The following SP140L variants were observed in gnomAD, a reference collection of about 807,000 sequenced individuals.
SP140L encodes nuclear body protein SP140-like protein.
SP140L carries 64 observed loss-of-function variants against 84.3 expected under a neutral mutation model. That is an observed-to-expected ratio of 0.76 (90% confidence interval 0.62 to 0.94). The LOEUF (loss-of-function observed/expected upper bound fraction) is 0.94. SP140L is among the 40% of genes least tolerant of loss of function. The pLI, the probability that SP140L is intolerant of heterozygous loss-of-function variation, is 0.00. For synonymous variants in SP140L, 242 were observed against 236.9 expected (o/e 1.02, Z -0.20); for missense variants, 628 against 692.5 (o/e 0.91, Z 1.05).
intron 14 of SP140L, among the ~76,000 whole-genome samples, chr2:230,399,120 C>CA (rs1341111518): frequency 6.6e-6 from 1 of 152,326 alleles, no homozygotes; most frequent in East Asian, 1.9e-4. Context: ...AGGGCTCTGT[C>CA]ACAGACCGGT....
At chr2:230,361,244 A>C (rs2060707824) in intron 4 of SP140L, among the ~76,000 whole-genome samples, 2 of 152,090 alleles carry the variant, frequency 1.3e-5, no homozygotes, top group Non-Finnish European at 1.5e-5. Context: ...GAGCCACTGC[A>C]CCTGGCCAGT....
At position 230,358,103 on chromosome 2, in the gene SP140L, A is replaced by C. The variant is rs1008314540; in HGVS notation, c.270+136A>C. ...GATGGTCCTACTTCCAGCTGAGGAA[A>C]TGGTGTTCCATGGCACCCTCTGGAG... On this transcript the variant is annotated intron_variant, in intron 3 of 18. Coordinates refer to ENST00000415673, the MANE Select transcript of SP140L (RefSeq NM_138402.6). 6.2e-6 allele frequency: 6 copies of C among 967,514 alleles called. No homozygotes were observed. In the African/African-American group the frequency reaches 6.5e-5, roughly 11 times the overall value. 59.9% of individuals were successfully genotyped at this position (967,514 alleles called of 1,614,324 possible).
intron 10 of SP140L, 75 bp from the exon 11 acceptor site, chr2:230,389,844 A>G: frequency 3.6e-6 from 5 of 1,389,668 alleles, no homozygotes; most frequent in Non-Finnish European, 5.1e-6. Context: ...TTGTGCCTTT[A>G]TAGGATTTAC....
intron 2 of SP140L, 34 bp from the exon 3 acceptor site, chr2:230,357,771 A>T: frequency 6.3e-7 from 1 of 1,584,868 alleles, no homozygotes; most frequent in African/African-American, 1.4e-5. Context: ...CAGAATCTTG[A>T]TGACCATTTT....
chr2:230,383,529 C>T lies in SP140L; in HGVS notation c.657C>T (p.Gly219=). The T allele has an allele frequency of 3.7e-6, 6 of 1,605,842 alleles. No homozygotes were observed. Among genetic ancestry groups the T allele is most frequent in the Non-Finnish European group, 5.1e-6 (6 of 1,176,086 alleles). Reference sequence around the variant, plus strand: ...TTGAAGGAAAAAAGAAGGGGCATGGCTGGAGCAGAATGGGAACGAGAACGC... The same window carrying T: ...TTGAAGGAAAAAAGAAGGGGCATGGTTGGAGCAGAATGGGAACGAGAACGC... ...KRKRRKKKGH[G]WSRMGTRTQK... Residue 219 remains glycine (G), a synonymous_variant, in exon 8 of 19, where the codon GGC becomes GGT. Coordinates refer to ENST00000415673, the MANE Select transcript of SP140L (RefSeq NM_138402.6).
chr2:230,396,839 C>A lies in SP140L; in HGVS notation c.1197+41C>A, dbSNP rs774816466. The A allele has an allele frequency of 3.1e-6, 5 of 1,608,300 alleles. 1 individual carries two copies. In the South Asian group the frequency reaches 4.4e-5, roughly 14 times the overall value. ...GAACTACAACCCCCAGAATATTCCACTTCTTTCTCCAGGCATATGTTCTGT... is the reference window on the plus strand; with the variant it reads ...GAACTACAACCCCCAGAATATTCCAATTCTTTCTCCAGGCATATGTTCTGT... On this transcript the variant is annotated intron_variant, in intron 14 of 18. Coordinates refer to ENST00000415673, the MANE Select transcript of SP140L (RefSeq NM_138402.6).
intron 7 of SP140L, among the ~76,000 whole-genome samples, chr2:230,377,103 G>A (rs898236436): frequency 6.6e-6 from 1 of 152,250 alleles, no homozygotes; most frequent in South Asian, 2.1e-4. Flanking sequence ...ATCATGATAT[G>A]TATCATTTCC....
chr2:230,400,279 A>T, intron 15 of SP140L, 37 bp downstream of exon 15: 2 of 1,602,108 alleles, frequency 1.2e-6, no homozygotes, highest in South Asian at 2.2e-5. Flanking sequence ...TCATCCTTTA[A>T]GGGACCTTCC....
chr2:230,354,975 G>A (rs2060500106), intron 2 of SP140L, among the ~76,000 whole-genome samples: 1 of 151,960 alleles, frequency 6.6e-6, no homozygotes, highest in Non-Finnish European at 1.5e-5. Flanking sequence ...AAAGAGGTAA[G>A]AATATGTATA....
chr2:230,367,926 C>G (rs2060940024), intron 5 of SP140L, among the ~76,000 whole-genome samples: 1 of 152,182 alleles, frequency 6.6e-6, no homozygotes, highest in Non-Finnish European at 1.5e-5. Context: ...GAGAGAGACT[C>G]CATCTCAAAA....
chr2:230,371,332 A>C (rs1231473561), intron 6 of SP140L, among the ~76,000 whole-genome samples: 1 of 152,168 alleles, frequency 6.6e-6, no homozygotes, highest in Non-Finnish European at 1.5e-5. Context: ...CCTCACCCAA[A>C]AGACAACTAA....
In SP140L at chr2:230,381,761, T is replaced by C. The variant is rs1052440106; in HGVS notation, c.638-1749T>C. Among the ~76,000 whole-genome samples, 28 of 137,564 alleles carry C rather than the reference T, an allele frequency of 2.0e-4. 1 individual carries two copies. The highest frequency in any genetic ancestry group is 5.1e-4 in the African/African-American group (19 of 37,434). 90.2% of individuals were successfully genotyped at this position (137,564 alleles called of 152,430 possible). On this transcript the variant is annotated intron_variant, in intron 7 of 18. Transcript: ENST00000415673. Reference sequence around the variant, plus strand: ...ACACACACACACACACACACACACATTTCATAAACCGTGAATGCTTTAGGT... The same window carrying C: ...ACACACACACACACACACACACACACTTCATAAACCGTGAATGCTTTAGGT...
chr2:230,352,495 T>C (rs1444394218), intron 2 of SP140L, among the ~76,000 whole-genome samples: 1 of 152,058 alleles, frequency 6.6e-6, no homozygotes, highest in Non-Finnish European at 1.5e-5. Flanking sequence ...TCAGATCTCA[T>C]GAGAACTCAC....
At chr2:230,385,427 T>C in intron 9 of SP140L, 123 bp downstream of exon 9, 1 of 850,018 alleles carries the variant, frequency 1.2e-6, no homozygotes, top group Non-Finnish European at 1.8e-6. Context: ...AGCAGTGAAA[T>C]CTAAAAAACA....
intron 2 of SP140L, among the ~76,000 whole-genome samples, chr2:230,352,312 G>T (rs190674951): frequency 1.3e-5 from 2 of 152,104 alleles, no homozygotes; most frequent in Non-Finnish European, 2.9e-5. Flanking sequence ...AAAAAGAAAA[G>T]AAGTTTAATT....
At chr2:230,346,623 T>C (rs962513574) in intron 2 of SP140L, among the ~76,000 whole-genome samples, 1 of 152,180 alleles carries the variant, frequency 6.6e-6, no homozygotes, top group African/African-American at 2.4e-5. Flanking sequence ...AAATGACTTC[T>C]CTTTCAGTTC....
intron 3 of SP140L, 51 bp downstream of exon 3, chr2:230,358,018 A>G (rs2060602334): frequency 6.3e-6 from 10 of 1,595,084 alleles, no homozygotes; most frequent in Middle Eastern, 1.7e-4. Context: ...ATATTTTACA[A>G]GTATTTCTGT....
At chr2:230,335,934 T>G (rs2149681392) in intron 2 of SP140L, among the ~76,000 whole-genome samples, 1 of 152,258 alleles carries the variant, frequency 6.6e-6, no homozygotes, top group South Asian at 2.1e-4. Flanking sequence ...TATTGCAGCG[T>G]GAAAGCAAGT....
intron 5 of SP140L, among the ~76,000 whole-genome samples, chr2:230,369,318 A>T (rs1321651562): frequency 6.6e-6 from 1 of 151,940 alleles, no homozygotes; most frequent in Non-Finnish European, 1.5e-5. Flanking sequence ...GCAGCTTGGT[A>T]CTGGGATGAG....
Sources: allele counts gnomAD v4.1 joint callset (sites outside exome capture counted in the v4.1 genomes callset), GRCh38; gene constraint gnomAD v4.1.1; transcripts MANE v1.5; gene names NCBI Gene and HGNC (gene_info 2026-07-23, HGNC 2026-07-21).